SNTG2: variants seen among roughly 807,000 people sequenced by gnomAD.
The protein encoded by SNTG2 is gamma-2-syntrophin.
Under a neutral mutation model 70.9 loss-of-function variants are expected in SNTG2, and 74 were observed. The ratio of observed to expected loss-of-function variants is 1.04; its 90% CI spans 0.86 to 1.27. SNTG2 has a LOEUF of 1.27. Ranked by LOEUF, SNTG2 falls within the 50% of genes most tolerant of loss-of-function variation. The probability of loss-of-function intolerance (pLI) is 0.00; values close to 1 mark genes in which losing one functional copy is unlikely to be tolerated. For missense variants in SNTG2, 717 were observed against 690.7 expected (o/e 1.04, Z -0.43); for synonymous variants, 278 against 273.8 (o/e 1.02, Z -0.15).
chr2:1,248,132 T>A (rs921780637), intron 12 of SNTG2, among the ~76,000 whole-genome samples: 1 of 152,184 alleles, frequency 6.6e-6, no homozygotes, highest in Non-Finnish European at 1.5e-5. Context: ...TTTTTTCCAT[T>A]AAAAGGAAAT....
chr2:983,993 CTG>C (rs1241434253), intron 1 of SNTG2, among the ~76,000 whole-genome samples: 9 of 152,170 alleles, frequency 5.9e-5, no homozygotes, highest in African/African-American at 2.2e-4. Flanking sequence ...GGAGGCCAGA[CTG>C]TGTCTGAAAG....
At position 1,353,382 on chromosome 2, in the gene SNTG2, A is replaced by C. The variant is rs1157538728; in HGVS notation, c.1489-13961A>C. 6.6e-6 allele frequency among the ~76,000 whole-genome samples: 1 copy of C among 152,164 alleles called. No individual in the cohort carries two copies. The highest frequency in any genetic ancestry group is 1.5e-5 in the Non-Finnish European group (1 of 68,042). On this transcript the variant is annotated intron_variant, in intron 16 of 16. Transcript: ENST00000308624. The surrounding 1 kb of genome is among the most constrained non-coding windows in gnomAD (Gnocchi z 4.2). The stretch of plus-strand genomic sequence containing the variant: ...CTGCAGCACCGCAAGTGTGGAATTG[A>C]GTTCCGGGGTGTGGCTGTTCCTCGT...
chr2:976,602 A>G (rs1272708223), intron 1 of SNTG2, among the ~76,000 whole-genome samples: 1 of 152,166 alleles, frequency 6.6e-6, no homozygotes, highest in Non-Finnish European at 1.5e-5. Flanking sequence ...GGTGCTCTTC[A>G]AGGTTTGCTT....
chr2:1,296,443 G>A (rs1480631284), intron 14 of SNTG2, among the ~76,000 whole-genome samples: 1 of 152,246 alleles, frequency 6.6e-6, no homozygotes, highest in Admixed American at 6.5e-5. Flanking sequence ...CCTCTGTGCT[G>A]GTGAGCACGC....
chr2:961,629 T>C (rs1030125083), intron 1 of SNTG2, among the ~76,000 whole-genome samples: 14 of 152,260 alleles, frequency 9.2e-5, no homozygotes, highest in African/African-American at 3.4e-4. Context: ...GCTTATGTTG[T>C]GTCTGTTGTT....
rs568573394 is a variant in SNTG2, at chr2:1,110,948, G to A, written c.325+12538G>A. Among the ~76,000 whole-genome samples, 114 of 152,270 alleles carry A rather than the reference G, an allele frequency of 7.5e-4. 2 individuals carry two copies. The South Asian group carries it at 0.019, about 26-fold the overall frequency. ...TGTCAGAAATCTTTTCTCACCTGGC[G>A]GTGGGTGGATGTGGAATTCAATTTG... On this transcript the variant is annotated intron_variant, in intron 4 of 16. Coordinates refer to ENST00000308624, the MANE Select transcript of SNTG2 (RefSeq NM_018968.4).
At chr2:1,247,831 A>T (rs13008438) in intron 12 of SNTG2, among the ~76,000 whole-genome samples, 31,708 of 151,968 alleles carry the variant, frequency 0.21, 4,511 homozygotes, top group African/African-American at 0.4. Flanking sequence ...AAAAGCTTTT[A>T]TTCCCGGATG....
chr2:1,218,934 G>T (rs746779498), intron 9 of SNTG2, among the ~76,000 whole-genome samples: 1 of 152,212 alleles, frequency 6.6e-6, no homozygotes, highest in Non-Finnish European at 1.5e-5. Flanking sequence ...TTTAAAGGAG[G>T]TTTGAAGCAG....
At chr2:1,348,818 G>T (rs1660433761) in intron 16 of SNTG2, among the ~76,000 whole-genome samples, 1 of 152,124 alleles carries the variant, frequency 6.6e-6, no homozygotes, top group Admixed American at 6.5e-5. Context: ...ACAAATTGTT[G>T]TACAGTTGAA....
intron 2 of SNTG2, among the ~76,000 whole-genome samples, chr2:1,092,751 G>T (rs1371735944): frequency 6.6e-6 from 1 of 152,154 alleles, no homozygotes; most frequent in East Asian, 1.9e-4. Flanking sequence ...ATGTATAATT[G>T]ATAAGTTATC....
intron 1 of SNTG2, among the ~76,000 whole-genome samples, chr2:974,671 G>A (rs62105732): frequency 0.083 from 12,695 of 152,190 alleles, 774 homozygotes; most frequent in South Asian, 0.2. Flanking sequence ...CTTCCTCCCA[G>A]CTTGTTTTTT....
chr2:1,278,766 G>A (rs1260587122), intron 14 of SNTG2, among the ~76,000 whole-genome samples: 2 of 152,142 alleles, frequency 1.3e-5, no homozygotes, highest in Non-Finnish European at 2.9e-5. Context: ...TTTCAATTCT[G>A]TTTTGCTTTC....
chr2:1,320,698 TA>T (rs200662712), intron 16 of SNTG2, among the ~76,000 whole-genome samples: 43 of 151,192 alleles, frequency 2.8e-4, no homozygotes, highest in African/African-American at 6.5e-4. Context: ...TTTTTTCCTT[TA>T]AAAAAAAAGA....
rs779501921 is a variant in SNTG2, at chr2:1,308,634, G to A, written c.1377+48G>A. The A allele has an allele frequency of 3.4e-6, 5 of 1,462,524 alleles. No individual in the cohort carries two copies. The African/African-American group carries it at 5.6e-5, about 16-fold the overall frequency. 90.6% of individuals were successfully genotyped at this position (1,462,524 alleles called of 1,614,324 possible). On this transcript the variant is annotated intron_variant, in intron 15 of 16. Transcript: ENST00000308624. The stretch of plus-strand genomic sequence containing the variant: ...ATGCCGCCCCATTGCCATGTGCTTG[G>A]TTACATTCCATGGGCGTTAACACTC...
At chr2:1,133,400 G>T (rs1268921366) in intron 4 of SNTG2, among the ~76,000 whole-genome samples, 1 of 152,152 alleles carries the variant, frequency 6.6e-6, no homozygotes. Context: ...CATGACCTCA[G>T]ATAACCCTAT....
At chr2:1,215,434 G>C (rs755393877) in intron 9 of SNTG2, among the ~76,000 whole-genome samples, 9 of 152,008 alleles carry the variant, frequency 5.9e-5, no homozygotes, top group Non-Finnish European at 1.2e-4. Context: ...CTCCTTACCT[G>C]TTATTAGTTT....
At position 979,952 on chromosome 2, in the gene SNTG2, ATAAT is replaced by A. The variant is rs1354964051; in HGVS notation, c.72+28888_72+28891del. On this transcript the variant is annotated intron_variant, in intron 1 of 16. Transcript: ENST00000308624. Reference sequence around the variant, plus strand: ...ATTTTGTTAATAATTAAGTATATAAATAATTAAGTATATAAAAACAAACACAAAA... The same window carrying A: ...ATTTTGTTAATAATTAAGTATATAAATAAGTATATAAAAACAAACACAAAA... 3.8e-4 allele frequency among the ~76,000 whole-genome samples: 58 copies of A among 152,190 alleles called. 1 individual carries two copies. The highest frequency in any genetic ancestry group is 3.4e-4 in the Non-Finnish European group (23 of 68,030).
At chr2:989,036 A>G (rs898453519) in intron 1 of SNTG2, among the ~76,000 whole-genome samples, 2 of 152,054 alleles carry the variant, frequency 1.3e-5, no homozygotes, top group Non-Finnish European at 2.9e-5. Flanking sequence ...AATATTTCCT[A>G]TTGTTACCAT....
At chr2:985,957 T>C (rs1661299666) in intron 1 of SNTG2, among the ~76,000 whole-genome samples, 1 of 152,116 alleles carries the variant, frequency 6.6e-6, no homozygotes, top group African/African-American at 2.4e-5. Context: ...AACCTATTTT[T>C]ATTTTATTTT....
Sources: gnomAD v4.1 joint callset for allele counts (sites outside exome capture counted in the v4.1 genomes callset) on GRCh38, gnomAD v4.1.1 for gene constraint, Gnocchi (gnomAD v3.1) non-coding constraint, MANE v1.5 for transcripts, NCBI Gene and HGNC (gene_info 2026-07-23, HGNC 2026-07-21) for gene names.